Variants in BLTP3B observed in about 807,000 individuals in gnomAD.
The protein encoded by BLTP3B is bridge-like lipid transfer protein family member 3B.
At chr12:100,085,034 T>C in the BLTP3B span, among the ~76,000 whole-genome samples, 2 of 152,172 alleles carry the variant, frequency 1.3e-5, no homozygotes, top group South Asian at 2.1e-4. Flanking sequence ...AGATGTGTTA[T>C]CAAGTTAACT....
the BLTP3B span, among the ~76,000 whole-genome samples, chr12:100,089,770 CTG>C: frequency 6.6e-6 from 1 of 152,090 alleles, no homozygotes; most frequent in Admixed American, 6.6e-5. Flanking sequence ...CCTGTATACA[CTG>C]TTATATATCT....
At chr12:100,100,157 T>A in the BLTP3B span, among the ~76,000 whole-genome samples, 1 of 151,174 alleles carries the variant, frequency 6.6e-6, no homozygotes, top group Non-Finnish European at 1.5e-5. Context: ...ACAAAAAAGT[T>A]AACTGGGCAT....
chr12:100,074,289 A>C, the BLTP3B span, among the ~76,000 whole-genome samples: 1 of 152,106 alleles, frequency 6.6e-6, no homozygotes, highest in Admixed American at 6.6e-5. Flanking sequence ...ACATCTAACC[A>C]AAAGATAAAA....
At chr12:100,050,060 T>G in the BLTP3B span, 5 of 1,116,874 alleles carry the variant, frequency 4.5e-6, no homozygotes, top group Non-Finnish European at 4.8e-6. Context: ...AAATGTAATT[T>G]TCCTTGAATT....
At chr12:100,117,066 T>C in the BLTP3B span, among the ~76,000 whole-genome samples, 2 of 152,114 alleles carry the variant, frequency 1.3e-5, no homozygotes, top group African/African-American at 4.8e-5. Flanking sequence ...AATATAAACA[T>C]ATGATTAAAT....
chr12:100,043,101 C>A, the BLTP3B span, among the ~76,000 whole-genome samples: 1 of 152,168 alleles, frequency 6.6e-6, no homozygotes, highest in Non-Finnish European at 1.5e-5. Context: ...GCCCAGCCAG[C>A]AATCAAGTAT....
At chr12:100,051,263 T>A in the BLTP3B span, 2 of 1,583,694 alleles carry the variant, frequency 1.3e-6, no homozygotes, top group Non-Finnish European at 1.7e-6. Context: ...AAAGTCAGTT[T>A]TACACATGAT....
the BLTP3B span, chr12:100,084,766 A>G: frequency 2.5e-6 from 3 of 1,177,698 alleles, no homozygotes; most frequent in Non-Finnish European, 3.5e-6. Context: ...AAAGACTTTG[A>G]TATCTGAAAA....
chr12:100,048,768 G>C, the BLTP3B span, among the ~76,000 whole-genome samples: 1 of 117,364 alleles, frequency 8.5e-6, no homozygotes, highest in African/African-American at 3.5e-5. Flanking sequence ...GAGAGTGAGA[G>C]TGAGTGTGTG....
chr12:100,108,246 C>T, the BLTP3B span: 9 of 922,154 alleles, frequency 9.8e-6, no homozygotes, highest in Admixed American at 6.4e-5. Flanking sequence ...GCAAAGGTAT[C>T]TTTCTTTTGA....
At chr12:100,106,745 G>C in the BLTP3B span, among the ~76,000 whole-genome samples, 21 of 152,026 alleles carry the variant, frequency 1.4e-4, no homozygotes, top group Non-Finnish European at 2.4e-4. Context: ...TATCTCTAAA[G>C]CTATTGAAAT....
chr12:100,133,135 G>A, the BLTP3B span, among the ~76,000 whole-genome samples: 5 of 151,926 alleles, frequency 3.3e-5, no homozygotes, highest in Admixed American at 2.6e-4. Context: ...CCAGCTACTC[G>A]GGAGGCTGAG....
At chr12:100,110,466 G>A in the BLTP3B span, among the ~76,000 whole-genome samples, 6 of 152,124 alleles carry the variant, frequency 3.9e-5, no homozygotes, top group African/African-American at 1.4e-4. Context: ...CCACTTCCCT[G>A]AGGCAGAATA....
the BLTP3B span, chr12:100,058,396 T>C: frequency 1.9e-6 from 3 of 1,612,394 alleles, no homozygotes; most frequent in South Asian, 2.2e-5. Context: ...ATAAAAGAAA[T>C]GCCTTTTTGC....
At chr12:100,106,690 G>A in the BLTP3B span, among the ~76,000 whole-genome samples, 1 of 152,054 alleles carries the variant, frequency 6.6e-6, no homozygotes, top group Non-Finnish European at 1.5e-5. Context: ...TAAAATCCCA[G>A]ACTTTACCAC....
At chr12:100,056,779 G>A in the BLTP3B span, among the ~76,000 whole-genome samples, 2 of 151,284 alleles carry the variant, frequency 1.3e-5, no homozygotes, top group Non-Finnish European at 2.9e-5. Context: ...AGAGGTTTCA[G>A]TAAGCTGAGA....
At chr12:100,142,812 C>G in the BLTP3B span, 9 of 901,632 alleles carry the variant, frequency 1.0e-5, no homozygotes, top group African/African-American at 9.0e-5. Flanking sequence ...CCCGGAGCAT[C>G]ACGCTCAGGC....
the BLTP3B span, chr12:100,058,906 C>A: frequency 6.2e-7 from 1 of 1,613,904 alleles, no homozygotes. Flanking sequence ...AAAAATGTAT[C>A]TGATGAAGAA....
At chr12:100,090,762 TCAAA>T in the BLTP3B span, among the ~76,000 whole-genome samples, 1 of 152,144 alleles carries the variant, frequency 6.6e-6, no homozygotes, top group Non-Finnish European at 1.5e-5. Context: ...TAAACTGATA[TCAAA>T]CACTTTTTCT....
Sources: gnomAD v4.1 joint callset for allele counts (sites outside exome capture counted in the v4.1 genomes callset) on GRCh38, gnomAD v4.1.1 for gene constraint, MANE v1.5 for transcripts, NCBI Gene and HGNC (gene_info 2026-07-23, HGNC 2026-07-21) for gene names.